The following DDX25 variants were observed in gnomAD, a reference collection of about 807,000 sequenced individuals.
The protein encoded by DDX25 is DEAD-box helicase 25.
In DDX25, 70 loss-of-function variants were observed where a neutral mutation model predicts 64.6. That is an observed-to-expected ratio of 1.08 (90% CI 0.89 to 1.32). DDX25 has a LOEUF of 1.32. Ranked by LOEUF, DDX25 falls within the 40% of genes most tolerant of loss-of-function variation. The pLI, the probability that DDX25 is intolerant of heterozygous loss-of-function variation, is 0.00. For synonymous variants in DDX25, 211 were observed against 213.3 expected (o/e 0.99, Z 0.09); for missense variants, 587 against 604.4 (o/e 0.97, Z 0.30).
In DDX25 at chr11:125,906,342, C is replaced by G. The variant is rs1161977469; in HGVS notation, c.311+133C>G. 3.4e-6 allele frequency: 4 copies of G among 1,181,274 alleles called. No individual in the cohort carries two copies. In the Admixed American group the frequency reaches 1.3e-4, roughly 39 times the overall value. 73.2% of individuals were successfully genotyped at this position (1,181,274 alleles called of 1,614,324 possible). A position where few individuals can be genotyped will look rare whatever the true frequency, so the allele number is the denominator to read the frequency against. ...CAATATTTTTTTTTGTTATTTGAGACAGAGTCTCACTCTGTCCCCCAGGCT... is the reference window on the plus strand; with the variant it reads ...CAATATTTTTTTTTGTTATTTGAGAGAGAGTCTCACTCTGTCCCCCAGGCT... On this transcript the variant is annotated intron_variant, in intron 4 of 11. Transcript: ENST00000263576.
At position 125,923,403 on chromosome 11, in the gene DDX25, A is replaced by G. The variant is rs1333139968; in HGVS notation, c.*522A>G. Reference sequence around the variant, plus strand: ...ACAGATTAAAACTTTTAAAAAGTGAAACCATTTGAAAGAAAGAGTATTTTA... The same window carrying G: ...ACAGATTAAAACTTTTAAAAAGTGAGACCATTTGAAAGAAAGAGTATTTTA... On this transcript the variant is annotated 3_prime_UTR_variant, in exon 12 of 12. Transcript: ENST00000263576. 6.6e-6 allele frequency: 1 copy of G among 152,404 alleles called. No individual in the cohort carries two copies. The highest frequency in any genetic ancestry group is 6.5e-5 in the Admixed American group (1 of 15,298). 9.4% of individuals were successfully genotyped at this position (152,404 alleles called of 1,614,324 possible). A position where few individuals can be genotyped will look rare whatever the true frequency, so the allele number is the denominator to read the frequency against.
At chr11:125,905,642 C>G (rs551089714) in intron 3 of DDX25, 45 bp downstream of exon 3, 1 of 1,519,446 alleles carries the variant, frequency 6.6e-7, no homozygotes, top group South Asian at 1.2e-5. Context: ...CATTCTGTTT[C>G]CGTTTATAAC....
chr11:125,904,393 G>T, upstream of DDX25: 3 of 931,496 alleles, frequency 3.2e-6, no homozygotes, highest in Non-Finnish European at 4.3e-6. Flanking sequence ...CCGCACCGCG[G>T]TGGTCGCGGG....
Position 125,926,040 on chromosome 11 carries a change from C to G in DDX25, c.*3159C>G, listed in dbSNP as rs933242690. 1.3e-5 allele frequency: 2 copies of G among 152,838 alleles called. No individual in the cohort carries two copies. Among genetic ancestry groups the G allele is most frequent in the African/African-American group, 4.8e-5 (2 of 41,432 alleles). The allele number at this position is 152,838 out of a possible 1,614,324, so 9.5% of individuals were successfully genotyped here. On this transcript the variant is annotated 3_prime_UTR_variant, in exon 12 of 12. Coordinates refer to ENST00000263576, the MANE Select transcript of DDX25 (RefSeq NM_013264.5). Reference sequence around the variant, plus strand: ...GCAGAGAGAGAGAGGCTGGTTTTGTCAAGCCTTGGCTTGGTTCCTGGTCCT... The same window carrying G: ...GCAGAGAGAGAGAGGCTGGTTTTGTGAAGCCTTGGCTTGGTTCCTGGTCCT...
rs1316076841 is a variant in DDX25 at position 125,921,255 on chromosome 11, G to A, written c.1266G>A (p.Glu422=). The change falls in exon 11 of 12, where the codon GAG becomes GAA. Residue 422 remains glutamate, a synonymous_variant. Transcript: ENST00000263576. The surrounding 1 kb of genome is among the most constrained non-coding windows in gnomAD (Gnocchi z 4.1). ...ATCTCCCTGTAAAACAAGGAGAGGA[G>A]CCGGACTATGAGACCTACCTCCACC... ...NFDLPVKQGE[E]PDYETYLHRI... is the part of the protein sequence containing the mutation. 13 of 1,613,030 alleles carry A rather than the reference G, an allele frequency of 8.1e-6. No homozygotes were observed. Among genetic ancestry groups the A allele is most frequent in the Non-Finnish European group, 1.1e-5 (13 of 1,179,592 alleles).
Position 125,921,194 on chromosome 11 carries a change from T to C in DDX25, c.1205T>C (p.Ile402Thr), listed in dbSNP as rs1446639383. ...LITTNVCARGIDVKQVTIVVN... is the reference protein window; with the variant it reads ...LITTNVCARGTDVKQVTIVVN... ...TACAGTGTTTTTCCTCTTCTAGGGA[T>C]TGATGTGAAGCAGGTCACAATTGTT... The change falls in exon 11 of 12, where the codon ATT (isoleucine) becomes ACT (threonine). Residue 402 changes from isoleucine (I) to threonine (T), a missense_variant. Transcript: ENST00000263576. The surrounding 1 kb of genome is among the most constrained non-coding windows in gnomAD (Gnocchi z 4.1). The C allele has an allele frequency of 1.2e-6, 2 of 1,609,738 alleles. No individual in the cohort carries two copies. Among genetic ancestry groups the C allele is most frequent in the Non-Finnish European group, 1.7e-6 (2 of 1,178,530 alleles).
intron 8 of DDX25, among the ~76,000 whole-genome samples, chr11:125,913,145 A>G (rs927343860): frequency 9.3e-5 from 14 of 150,610 alleles, no homozygotes; most frequent in East Asian, 3.9e-4. Context: ...GTGACAGAGC[A>G]AGACTCCATT....
upstream of DDX25, chr11:125,904,365 C>G (rs1185814862): frequency 4.7e-6 from 3 of 643,316 alleles, no homozygotes; most frequent in African/African-American, 5.7e-5. Flanking sequence ...CGCCACCCAG[C>G]CTTCCAGCGC....
intron 4 of DDX25, among the ~76,000 whole-genome samples, chr11:125,906,723 G>A (rs2134272991): frequency 6.6e-6 from 1 of 150,834 alleles, no homozygotes; most frequent in African/African-American, 2.4e-5. Context: ...CTATTCGGGA[G>A]GCTGAGGTAG....
Position 125,922,902 on chromosome 11 carries a change from T to G in DDX25, c.*21T>G. 6.3e-7 allele frequency: 1 copy of G among 1,592,586 alleles called. No homozygotes were observed. Among genetic ancestry groups the G allele is most frequent in the Non-Finnish European group, 8.6e-7 (1 of 1,167,760 alleles). On this transcript the variant is annotated 3_prime_UTR_variant, in exon 12 of 12. Coordinates refer to ENST00000263576, the MANE Select transcript of DDX25 (RefSeq NM_013264.5). ...ATTGAAGAAAGAACTTTATTGTTTG[T>G]GCAGTATCCTAGTTTATGTGAGAAT...
intron 8 of DDX25, among the ~76,000 whole-genome samples, chr11:125,915,949 G>A (rs756666623): frequency 1.2e-4 from 19 of 152,106 alleles, no homozygotes; most frequent in African/African-American, 1.7e-4. Flanking sequence ...CACATTTTCC[G>A]TGGATTCTTT....
intron 8 of DDX25, among the ~76,000 whole-genome samples, chr11:125,916,016 A>G (rs1402196898): frequency 6.6e-6 from 1 of 152,228 alleles, no homozygotes; most frequent in African/African-American, 2.4e-5. Context: ...TAACACAGGT[A>G]GACGGTCTGA....
At chr11:125,922,473 G>A in intron 11 of DDX25, 1 of 222,600 alleles carries the variant, frequency 4.5e-6, no homozygotes, top group Non-Finnish European at 8.7e-6. Flanking sequence ...TAACTGGGGA[G>A]GACAGGGTGA....
chr11:125,922,502 A>G (rs79220610), intron 11 of DDX25: 2 of 268,720 alleles, frequency 7.4e-6, no homozygotes, highest in African/African-American at 4.4e-5. Context: ...TGTTAAGGCC[A>G]CTGTCGCTAT....
chr11:125,908,544 C>G, intron 6 of DDX25, 41 bp downstream of exon 6: 1 of 1,560,902 alleles, frequency 6.4e-7, no homozygotes, highest in Non-Finnish European at 8.8e-7. Flanking sequence ...GCTTGCACTA[C>G]CAGTGCTAAT....
chr11:125,921,161 C>T lies in DDX25; in HGVS notation c.1202-30C>T. On this transcript the variant is annotated intron_variant, in intron 10 of 11. Transcript: ENST00000263576. The surrounding 1 kb of genome is among the most constrained non-coding windows in gnomAD (Gnocchi z 4.1). ...GGCCCGTGTACTGAGGAAAGCATTG[C>T]AGGACCCTACAGTGTTTTTCCTCTT... 3.8e-6 allele frequency: 6 copies of T among 1,587,570 alleles called. No individual in the cohort carries two copies. Among genetic ancestry groups the T allele is most frequent in the South Asian group, 2.3e-5 (2 of 87,470 alleles).
At chr11:125,919,553 CT>C (rs376752578) in intron 10 of DDX25, among the ~76,000 whole-genome samples, 185 of 126,958 alleles carry the variant, frequency 1.5e-3, no homozygotes, top group East Asian at 2.5e-3. Context: ...GAAAAAAATC[CT>C]TTTTTTTTTT....
chr11:125,904,396 G>C (rs1322169475), upstream of DDX25: 2 of 975,532 alleles, frequency 2.1e-6, no homozygotes, highest in African/African-American at 3.4e-5. Context: ...CACCGCGGTG[G>C]TCGCGGGCGC....
rs955038272 is a variant in DDX25 at position 125,927,719 on chromosome 11, A to G, written c.*4838A>G. The G allele has an allele frequency of 6.6e-6, 1 of 152,202 alleles. No homozygotes were observed. Among genetic ancestry groups the G allele is most frequent in the Non-Finnish European group, 1.5e-5 (1 of 68,036 alleles). 9.4% of individuals were successfully genotyped at this position (152,202 alleles called of 1,614,324 possible). ...TGTATAGGTCATGTATAATGGCCTC[A>G]GGCATGATTTAGAAGGCACAGACTG... On this transcript the variant is annotated 3_prime_UTR_variant, in exon 12 of 12. Coordinates refer to ENST00000263576, the MANE Select transcript of DDX25 (RefSeq NM_013264.5).
Sources: gnomAD v4.1 joint callset for allele counts (sites outside exome capture counted in the v4.1 genomes callset) on GRCh38, gnomAD v4.1.1 for gene constraint, Gnocchi (gnomAD v3.1) non-coding constraint, MANE v1.5 for transcripts, NCBI Gene and HGNC (gene_info 2026-07-23, HGNC 2026-07-21) for gene names.